PCDHGB3: variants seen among roughly 807,000 people sequenced by gnomAD.
PCDHGB3 encodes the protein protocadherin gamma subfamily B, 3.
A neutral mutation model predicts 59.2 loss-of-function variants in PCDHGB3; 40 were observed. That is an observed-to-expected ratio of 0.68 (90% CI 0.52 to 0.88). The LOEUF is 0.88. PCDHGB3 is among the 40% of genes least tolerant of loss of function. The pLI, the probability that PCDHGB3 is intolerant of heterozygous loss-of-function variation, is 0.00. For synonymous variants in PCDHGB3, 581 were observed against 503.6 expected (o/e 1.15, Z -2.06); for missense variants, 1,309 against 1,187.9 (o/e 1.10, Z -1.50).
rs943867570 is a variant in PCDHGB3 at position 141,493,651 on chromosome 5, T to C, written c.2416-1156T>C. On this transcript the variant is annotated intron_variant, in intron 1 of 3. Coordinates refer to ENST00000576222, the MANE Select transcript of PCDHGB3 (RefSeq NM_018924.5). The surrounding 1 kb of genome is among the most constrained non-coding windows in gnomAD (Gnocchi z 4.3). ...AGTGGCTGAGGGCTGGCCATCCCTGTGCCCTTCTCCATGGCAGCCCCAGAA... is the reference window on the plus strand; with the variant it reads ...AGTGGCTGAGGGCTGGCCATCCCTGCGCCCTTCTCCATGGCAGCCCCAGAA... Among the ~76,000 whole-genome samples, 1 of 152,204 alleles carries C rather than the reference T, an allele frequency of 6.6e-6. No individual in the cohort carries two copies. The highest frequency in any genetic ancestry group is 1.5e-5 in the Non-Finnish European group (1 of 68,030).
At chr5:141,420,314 A>C (rs1454977890) in intron 1 of PCDHGB3, 1 of 1,442,690 alleles carries the variant, frequency 6.9e-7, no homozygotes. Flanking sequence ...TTTATATTAC[A>C]ATATGCCAAT....
chr5:141,456,229 C>G (rs191169523), intron 1 of PCDHGB3, among the ~76,000 whole-genome samples: 9 of 152,234 alleles, frequency 5.9e-5, no homozygotes, highest in African/African-American at 1.7e-4. Context: ...ATCAAACTAA[C>G]TGCTGTTAGG....
intron 1 of PCDHGB3, chr5:141,395,508 A>T: frequency 2.2e-6 from 1 of 461,184 alleles, no homozygotes. Context: ...CTTAAGAAGT[A>T]GCTACCCGTC....
intron 1 of PCDHGB3, among the ~76,000 whole-genome samples, chr5:141,449,560 GC>G (rs1487612909): frequency 6.9e-6 from 1 of 145,056 alleles, no homozygotes; most frequent in Non-Finnish European, 1.5e-5. Flanking sequence ...CTGCACTCCA[GC>G]CTGGGCGACA....
intron 1 of PCDHGB3, among the ~76,000 whole-genome samples, chr5:141,381,821 TTC>T (rs1354203071): frequency 5.5e-5 from 7 of 126,128 alleles, no homozygotes; most frequent in African/African-American, 2.4e-4. Context: ...TCTTTCTTTC[TTC>T]TTCTTTTTTT....
chr5:141,433,582 T>TCCCA (rs758953161), intron 1 of PCDHGB3, among the ~76,000 whole-genome samples: 4 of 151,942 alleles, frequency 2.6e-5, no homozygotes, highest in Non-Finnish European at 5.9e-5. Flanking sequence ...ACGCCTGTAA[T>TCCCA]CCCAGTACTT....
At chr5:141,494,648 T>G in intron 1 of PCDHGB3, 159 bp from the exon 2 acceptor site, 1 of 946,506 alleles carries the variant, frequency 1.1e-6, no homozygotes, top group Non-Finnish European at 1.3e-6. Flanking sequence ...ACCTGAGGTG[T>G]ATTTTGTCTT....
At chr5:141,374,994 C>A in intron 1 of PCDHGB3, 2 of 1,614,038 alleles carry the variant, frequency 1.2e-6, no homozygotes, top group Non-Finnish European at 1.7e-6. Flanking sequence ...ATTTCAACTT[C>A]TGCAAATCTA....
At chr5:141,439,190 CAA>C (rs200519543) in intron 1 of PCDHGB3, among the ~76,000 whole-genome samples, 3 of 111,702 alleles carry the variant, frequency 2.7e-5, no homozygotes, top group Non-Finnish European at 4.0e-5. Flanking sequence ...GAGACTCTGA[CAA>C]AAAAAAAAAA....
At chr5:141,415,205 C>A (rs2095843771) in intron 1 of PCDHGB3, 2 of 1,614,040 alleles carry the variant, frequency 1.2e-6, no homozygotes, top group Non-Finnish European at 1.7e-6. Context: ...CAAGTCCTGG[C>A]GGACCTCGGC....
At chr5:141,414,198 A>G (rs1561747621) in intron 1 of PCDHGB3, 2 of 1,611,542 alleles carry the variant, frequency 1.2e-6, no homozygotes, top group Non-Finnish European at 1.7e-6. Flanking sequence ...TGATTACAGT[A>G]GAAGATGTAA....
chr5:141,413,166 C>A (rs758193163), intron 1 of PCDHGB3: 3 of 1,590,396 alleles, frequency 1.9e-6, no homozygotes, highest in South Asian at 2.3e-5. Flanking sequence ...AATTCTGTAA[C>A]CAGACTACAA....
At chr5:141,453,420 C>A (rs2098764964) in intron 1 of PCDHGB3, among the ~76,000 whole-genome samples, 1 of 152,054 alleles carries the variant, frequency 6.6e-6, no homozygotes, top group African/African-American at 2.4e-5. Context: ...GCATAAGCCA[C>A]CACACCTAGC....
In PCDHGB3 at chr5:141,487,934, C is replaced by T; in HGVS notation, c.2416-6873C>T. 4.9e-6 allele frequency: 3 copies of T among 607,674 alleles called. No homozygotes were observed. The highest frequency in any genetic ancestry group is 2.1e-5 in the South Asian group (1 of 48,014). 37.6% of individuals were successfully genotyped at this position (607,674 alleles called of 1,614,324 possible). Reference sequence around the variant, plus strand: ...ACAGGAGGCTACAGTGCACAGGGTACAGTGCACCAGGCAGTCACTTGGACA... The same window carrying T: ...ACAGGAGGCTACAGTGCACAGGGTATAGTGCACCAGGCAGTCACTTGGACA... On this transcript the variant is annotated intron_variant, in intron 1 of 3. Transcript: ENST00000576222. This position sits in a 1 kb window ranked among gnomAD's most constrained non-coding sequence, Gnocchi z 5.0.
In PCDHGB3 at chr5:141,383,002, G is replaced by A. The variant is rs376825891; in HGVS notation, c.2415+10193G>A. 8 of 1,613,766 alleles carry A rather than the reference G, an allele frequency of 5.0e-6. No individual in the cohort carries two copies. Among genetic ancestry groups the A allele is most frequent in the East Asian group, 2.2e-5 (1 of 44,884 alleles). On this transcript the variant is annotated intron_variant, in intron 1 of 3. Transcript: ENST00000576222. ...CTGGGCAGGACGTATTCTCTACTCC[G>A]TGTCGGAGGAGACGGACAAAGGGTC...
chr5:141,399,414 C>T, intron 1 of PCDHGB3: 1 of 1,614,034 alleles, frequency 6.2e-7, no homozygotes, highest in East Asian at 2.2e-5. Flanking sequence ...CGCCCCTCTC[C>T]TCCAGCATAA....
intron 1 of PCDHGB3, among the ~76,000 whole-genome samples, chr5:141,402,311 A>G (rs1174114133): frequency 1.3e-5 from 2 of 152,022 alleles, no homozygotes; most frequent in Non-Finnish European, 2.9e-5. Flanking sequence ...ATACAATTAT[A>G]TATTTTACAT....
rs752145084 is a variant in PCDHGB3 at position 141,489,550 on chromosome 5, C to T, written c.2416-5257C>T. On this transcript the variant is annotated intron_variant, in intron 1 of 3. Coordinates refer to ENST00000576222, the MANE Select transcript of PCDHGB3 (RefSeq NM_018924.5). This position sits in a 1 kb window ranked among gnomAD's most constrained non-coding sequence, Gnocchi z 4.5. ...ATGTGGAGCCAGCACCAGCTGCCTGCTGCCAGTGCAGGTGGTGACTGAACA... is the reference window on the plus strand; with the variant it reads ...ATGTGGAGCCAGCACCAGCTGCCTGTTGCCAGTGCAGGTGGTGACTGAACA... The T allele has an allele frequency of 1.2e-6, 2 of 1,614,132 alleles. No homozygotes were observed. The highest frequency in any genetic ancestry group is 1.7e-5 in the Admixed American group (1 of 60,030).
At chr5:141,449,796 A>G (rs1358409274) in intron 1 of PCDHGB3, among the ~76,000 whole-genome samples, 2 of 151,590 alleles carry the variant, frequency 1.3e-5, no homozygotes, top group Admixed American at 6.6e-5. Context: ...TTATTCCTAA[A>G]TACCTCATTG....
Sources: gnomAD v4.1 joint callset for allele counts (sites outside exome capture counted in the v4.1 genomes callset) on GRCh38, gnomAD v4.1.1 for gene constraint, Gnocchi (gnomAD v3.1) non-coding constraint, MANE v1.5 for transcripts, NCBI Gene and HGNC (gene_info 2026-07-23, HGNC 2026-07-21) for gene names.